PAMR1: variants seen among roughly 807,000 people sequenced by gnomAD.
The protein encoded by PAMR1 is inactive serine protease PAMR1.
PAMR1 carries 88 observed loss-of-function variants against 81.8 expected under a neutral mutation model. The observed-to-expected ratio is 1.08, with a 90% CI of 0.91 to 1.28. The LOEUF is 1.28. PAMR1 is among the 50% of genes most tolerant of loss of function. The pLI is 0.00. For missense variants in PAMR1, 935 were observed against 919.7 expected, an observed-to-expected ratio of 1.02 and a Z score of -0.21; for synonymous variants, 336 against 345.3, an observed-to-expected ratio of 0.97 and a Z score of 0.30.
chr11:35,471,575 C>T (rs1294253882), intron 4 of PAMR1, among the ~76,000 whole-genome samples: 1 of 152,124 alleles, frequency 6.6e-6, no homozygotes, highest in Non-Finnish European at 1.5e-5. Context: ...TAATTATCTT[C>T]TAGGCAACGA....
chr11:35,458,602 G>A (rs1323790922), intron 6 of PAMR1, among the ~76,000 whole-genome samples: 2 of 152,162 alleles, frequency 1.3e-5, no homozygotes, highest in Non-Finnish European at 2.9e-5. Context: ...TCCAGAGTCA[G>A]CAAAATTGAT....
intron 1 of PAMR1, among the ~76,000 whole-genome samples, chr11:35,510,557 G>C (rs1238481877): frequency 7.1e-6 from 1 of 141,526 alleles, no homozygotes; most frequent in Non-Finnish European, 1.5e-5. Flanking sequence ...GTCTAAATAA[G>C]GAAATTAAAG....
At chr11:35,527,148 G>A (rs1478864253), upstream of PAMR1, among the ~76,000 whole-genome samples, 1 of 152,090 alleles carries the variant, frequency 6.6e-6, no homozygotes, top group African/African-American at 2.4e-5. Context: ...CCTGCTTCTG[G>A]GGGCCTATTG....
At chr11:35,468,816 GAA>G (rs1565339617) in intron 5 of PAMR1, among the ~76,000 whole-genome samples, 1 of 152,136 alleles carries the variant, frequency 6.6e-6, no homozygotes, top group Non-Finnish European at 1.5e-5. Context: ...TTTTTCTACA[GAA>G]AAGATTTTGA....
intron 1 of PAMR1, among the ~76,000 whole-genome samples, chr11:35,507,597 T>C (rs147014702): frequency 6.6e-6 from 1 of 152,346 alleles, no homozygotes; most frequent in African/African-American, 2.4e-5. Context: ...AGCTCACATA[T>C]TGCCATCTCA....
intron 1 of PAMR1, chr11:35,513,483 T>C (rs1851108905): frequency 1.3e-5 from 2 of 152,200 alleles, no homozygotes; most frequent in African/African-American, 4.8e-5. Flanking sequence ...TCATTCTGAA[T>C]GGCAACAACA....
intron 4 of PAMR1, among the ~76,000 whole-genome samples, chr11:35,471,718 C>T (rs1331633234): frequency 6.6e-6 from 1 of 152,168 alleles, no homozygotes; most frequent in Non-Finnish European, 1.5e-5. Context: ...ATTGGAAACA[C>T]AGAAGATGAC....
intron 6 of PAMR1, among the ~76,000 whole-genome samples, chr11:35,450,292 C>T (rs190959021): frequency 1.3e-5 from 2 of 152,082 alleles, no homozygotes; most frequent in Non-Finnish European, 1.5e-5. Flanking sequence ...ATAGACTATG[C>T]GTAAGTTAAT....
At chr11:35,492,009 T>G (rs1369557797) in intron 3 of PAMR1, 36 bp downstream of exon 3, 1 of 1,584,384 alleles carries the variant, frequency 6.3e-7, no homozygotes. Context: ...TAAGACAGTG[T>G]GCACTAGAGA....
intron 3 of PAMR1, among the ~76,000 whole-genome samples, chr11:35,476,744 GC>G (rs1361118705): frequency 1.3e-5 from 2 of 151,950 alleles, no homozygotes; most frequent in East Asian, 3.9e-4. Flanking sequence ...CTTGATTCAA[GC>G]CCTCCAAAGG....
At chr11:35,449,867 C>T (rs1390618262) in intron 6 of PAMR1, among the ~76,000 whole-genome samples, 2 of 152,114 alleles carry the variant, frequency 1.3e-5, no homozygotes, top group Non-Finnish European at 2.9e-5. Context: ...CATGCAGCTC[C>T]CGGCTGGGCC....
intron 1 of PAMR1, among the ~76,000 whole-genome samples, chr11:35,509,394 G>T (rs1225861268): frequency 6.6e-6 from 1 of 152,082 alleles, no homozygotes; most frequent in Non-Finnish European, 1.5e-5. Flanking sequence ...TTGGCCATTT[G>T]GCTTCAGCTG....
chr11:35,439,843 C>A (rs1856128093), intron 7 of PAMR1, 150 bp from the exon 8 acceptor site: 1 of 658,406 alleles, frequency 1.5e-6, no homozygotes, highest in Non-Finnish European at 2.7e-6. Context: ...CAAGCTTGAA[C>A]ATCTCACTTT....
chr11:35,508,299 G>A (rs573897013), intron 1 of PAMR1, among the ~76,000 whole-genome samples: 18 of 152,132 alleles, frequency 1.2e-4, no homozygotes, highest in Non-Finnish European at 1.5e-4. Flanking sequence ...TGGGAAGACT[G>A]TGGAGAGGGA....
chr11:35,463,391 C>T (rs866392969), intron 6 of PAMR1, among the ~76,000 whole-genome samples: 6 of 152,242 alleles, frequency 3.9e-5, no homozygotes, highest in African/African-American at 7.2e-5. Context: ...CCTGTTTCAT[C>T]GTCCTTCATT....
intron 1 of PAMR1, among the ~76,000 whole-genome samples, chr11:35,498,214 T>A (rs1266180003): frequency 6.6e-6 from 1 of 152,234 alleles, no homozygotes; most frequent in Non-Finnish European, 1.5e-5. Flanking sequence ...CATTTTATGT[T>A]ATCTACATAT....
At chr11:35,502,524 C>A (rs1337927866) in intron 1 of PAMR1, among the ~76,000 whole-genome samples, 1 of 133,442 alleles carries the variant, frequency 7.5e-6, no homozygotes, top group Admixed American at 7.6e-5. Flanking sequence ...GGTTTTCTGT[C>A]CCTGTGTTAG....
At chr11:35,448,900 G>A (rs1259751464) in intron 6 of PAMR1, among the ~76,000 whole-genome samples, 1 of 152,134 alleles carries the variant, frequency 6.6e-6, no homozygotes, top group African/African-American at 2.4e-5. Flanking sequence ...CTGCAGGGCT[G>A]CTGCCGTTTG....
At chr11:35,490,651 G>C (rs1590369740) in intron 3 of PAMR1, among the ~76,000 whole-genome samples, 2 of 152,294 alleles carry the variant, frequency 1.3e-5, no homozygotes, top group South Asian at 2.1e-4. Flanking sequence ...AAAGGAAGAA[G>C]AGTAGTTTTA....
Sources: gnomAD v4.1 joint callset for allele counts (sites outside exome capture counted in the v4.1 genomes callset) on GRCh38, gnomAD v4.1.1 for gene constraint, MANE v1.5 for transcripts, NCBI Gene and HGNC (gene_info 2026-07-23, HGNC 2026-07-21) for gene names.